Variants in MYT1L observed in about 807,000 individuals in gnomAD.
The protein encoded by MYT1L is myelin transcription factor 1-like protein.
Under a neutral mutation model 126.7 loss-of-function variants are expected in MYT1L, and 12 were observed. The observed-to-expected ratio is 0.09, with a 90% CI of 0.06 to 0.15. The LOEUF (loss-of-function observed/expected upper bound fraction) is 0.15, where lower values mean the gene tolerates loss of function less well. Ranked by LOEUF, MYT1L falls within the 10% of genes least tolerant of loss-of-function variation. The pLI is 1.00. For missense variants in MYT1L, 979 were observed against 1,585.2 expected, an observed-to-expected ratio of 0.62 and a Z score of 6.49; for synonymous variants, 541 against 604.2, an observed-to-expected ratio of 0.90 and a Z score of 1.53.
At chr2:2,200,796 G>A (rs889531502) in intron 2 of MYT1L, among the ~76,000 whole-genome samples, 14 of 152,154 alleles carry the variant, frequency 9.2e-5, no homozygotes, top group Non-Finnish European at 1.3e-4. Context: ...ATGGCTGTTC[G>A]GCTCCGGTGT....
chr2:2,300,368 A>G (rs1173563720), intron 1 of MYT1L, among the ~76,000 whole-genome samples: 2 of 152,240 alleles, frequency 1.3e-5, no homozygotes, highest in African/African-American at 2.4e-5. Flanking sequence ...GAAGCAAAGC[A>G]GTATATTGTT....
At chr2:1,996,635 G>C (rs1341562496) in intron 5 of MYT1L, among the ~76,000 whole-genome samples, 4 of 142,148 alleles carry the variant, frequency 2.8e-5, no homozygotes, top group Non-Finnish European at 6.1e-5. Flanking sequence ...ACCGAGTGTA[G>C]ACGGGCCGCC....
chr2:1,918,836 C>T (rs1453474065), intron 10 of MYT1L, among the ~76,000 whole-genome samples: 2 of 152,178 alleles, frequency 1.3e-5, no homozygotes, highest in South Asian at 2.1e-4. Context: ...TTTCTAATTA[C>T]ATTACTGAAA....
chr2:2,129,226 A>C lies in MYT1L; in HGVS notation c.-304+43646T>G, dbSNP rs541934913. Reference sequence around the variant, plus strand: ...AAGTTACATCCACAAGCACAGTTTCACGTGTCTCTAGTCTGTCTCCAGATA... The same window carrying C: ...AAGTTACATCCACAAGCACAGTTTCCCGTGTCTCTAGTCTGTCTCCAGATA... On this transcript the variant is annotated intron_variant, in intron 3 of 24. Coordinates refer to ENST00000647738, the MANE Select transcript of MYT1L (RefSeq NM_001303052.2). Among the ~76,000 whole-genome samples, 18 of 152,282 alleles carry C rather than the reference A, an allele frequency of 1.2e-4. 1 individual carries two copies. The South Asian group carries it at 3.5e-3, about 30-fold the overall frequency.
chr2:2,322,656 G>A (rs559540128), intron 1 of MYT1L, among the ~76,000 whole-genome samples: 1 of 151,800 alleles, frequency 6.6e-6, no homozygotes, highest in East Asian at 1.9e-4. Flanking sequence ...AAAGAGCATC[G>A]TGGAGAAGGG....
intron 5 of MYT1L, among the ~76,000 whole-genome samples, chr2:1,989,432 CT>C (rs1263026697): frequency 6.6e-6 from 1 of 152,096 alleles, no homozygotes; most frequent in Admixed American, 6.6e-5. Flanking sequence ...AGAGTGCACC[CT>C]ACATCTTCTC....
chr2:1,880,194 C>A (rs147455017), intron 18 of MYT1L, among the ~76,000 whole-genome samples: 2 of 152,242 alleles, frequency 1.3e-5, no homozygotes, highest in African/African-American at 4.8e-5. Context: ...GTAAATATGG[C>A]AAATTAAAGA....
At chr2:2,147,392 G>A (rs2085048454) in intron 3 of MYT1L, among the ~76,000 whole-genome samples, 1 of 152,218 alleles carries the variant, frequency 6.6e-6, no homozygotes. Context: ...TGGGCTCCAA[G>A]CCCCTGGGCA....
chr2:1,813,589 G>A (rs899337676), intron 21 of MYT1L, among the ~76,000 whole-genome samples: 1 of 152,120 alleles, frequency 6.6e-6, no homozygotes, highest in Admixed American at 6.6e-5. Flanking sequence ...CGTCAGCGGC[G>A]GGATTCGATT....
intron 3 of MYT1L, among the ~76,000 whole-genome samples, chr2:2,081,163 A>G (rs1333040332): frequency 6.6e-6 from 1 of 152,212 alleles, no homozygotes; most frequent in African/African-American, 2.4e-5. Context: ...TATAATATGT[A>G]AGATAATTCT....
chr2:2,050,290 A>G (rs149192445), intron 4 of MYT1L, among the ~76,000 whole-genome samples: 1 of 152,328 alleles, frequency 6.6e-6, no homozygotes, highest in African/African-American at 2.4e-5. Context: ...CAAAGAATAT[A>G]GATTTACAGA....
rs969673667 is a variant in MYT1L at position 1,789,817 on chromosome 2, A to G, written c.*2050T>C. 2 of 152,198 alleles carry G rather than the reference A, an allele frequency of 1.3e-5. No individual in the cohort carries two copies. The highest frequency in any genetic ancestry group is 4.8e-5 in the African/African-American group (2 of 41,462). 9.4% of individuals were successfully genotyped at this position (152,198 alleles called of 1,614,324 possible). A position where few individuals can be genotyped will look rare whatever the true frequency, so the allele number is the denominator to read the frequency against. On this transcript the variant is annotated 3_prime_UTR_variant, in exon 25 of 25. Coordinates refer to ENST00000647738, the MANE Select transcript of MYT1L (RefSeq NM_001303052.2). ...TGGCAGCTGCAACCAATAGCACAAC[A>G]GAAAGGGGGCGCTGTACAGAGAAGG...
At chr2:2,316,822 T>A (rs184723429) in intron 1 of MYT1L, among the ~76,000 whole-genome samples, 4 of 152,248 alleles carry the variant, frequency 2.6e-5, no homozygotes, top group East Asian at 3.9e-4. Flanking sequence ...TTATTTATTT[T>A]TTTTTCGAGA....
At chr2:2,145,239 GGGA>G (rs775470697) in intron 3 of MYT1L, among the ~76,000 whole-genome samples, 2 of 152,162 alleles carry the variant, frequency 1.3e-5, no homozygotes, top group African/African-American at 2.4e-5. Flanking sequence ...ATGGCCCGTG[GGGA>G]GGAGATTCTG....
intron 4 of MYT1L, among the ~76,000 whole-genome samples, chr2:2,020,710 C>T (rs2064940175): frequency 6.6e-6 from 1 of 152,194 alleles, no homozygotes; most frequent in Admixed American, 6.5e-5. Flanking sequence ...CTTTGATCTA[C>T]TTACATTCAT....
rs369802807 is a variant in MYT1L, at chr2:2,191,410, A to C, written c.-420-18422T>G. ...CAGAACCATATCCATTATGAAGAACATGTGAGAGCACTCTGGGATGCATTT... is the reference window on the plus strand; with the variant it reads ...CAGAACCATATCCATTATGAAGAACCTGTGAGAGCACTCTGGGATGCATTT... On this transcript the variant is annotated intron_variant, in intron 2 of 24. Transcript: ENST00000647738. Among the ~76,000 whole-genome samples the C allele has an allele frequency of 1.5e-4, 23 of 152,326 alleles. No homozygotes were observed. The South Asian group carries it at 1.9e-3, about 12-fold the overall frequency.
intron 2 of MYT1L, among the ~76,000 whole-genome samples, chr2:2,256,765 C>T (rs1424508237): frequency 1.3e-5 from 2 of 152,204 alleles, no homozygotes; most frequent in East Asian, 1.9e-4. Flanking sequence ...CATCCAAAGC[C>T]GTCATAAGAA....
At chr2:2,047,561 G>A (rs572214680) in intron 4 of MYT1L, among the ~76,000 whole-genome samples, 24 of 152,248 alleles carry the variant, frequency 1.6e-4, no homozygotes, top group African/African-American at 5.8e-4. Context: ...CATTGTATGA[G>A]GCTTAGCATA....
chr2:2,328,341 A>G (rs1318550800), intron 1 of MYT1L, among the ~76,000 whole-genome samples: 5 of 152,236 alleles, frequency 3.3e-5, no homozygotes, highest in African/African-American at 7.2e-5. Context: ...TAAATAAATT[A>G]GGTGAAAAAC....
Sources: gnomAD v4.1 joint callset for allele counts (sites outside exome capture counted in the v4.1 genomes callset) on GRCh38, gnomAD v4.1.1 for gene constraint, MANE v1.5 for transcripts, NCBI Gene and HGNC (gene_info 2026-07-23, HGNC 2026-07-21) for gene names.